RBKS: variants seen among roughly 807,000 people sequenced by gnomAD.
RBKS encodes ribokinase.
RBKS carries 33 observed loss-of-function variants against 33.9 expected under a neutral mutation model. The ratio of observed to expected loss-of-function variants is 0.97; its 90% CI spans 0.74 to 1.30. The LOEUF (loss-of-function observed/expected upper bound fraction) is 1.30. RBKS is among the 50% of genes most tolerant of loss of function. RBKS has a pLI of 0.00. For missense variants in RBKS, 361 were observed against 392.6 expected (o/e 0.92, Z 0.68); for synonymous variants, 125 against 143.0 (o/e 0.87, Z 0.90).
chr2:27,889,130 C>T (rs1462447197), intron 1 of RBKS, among the ~76,000 whole-genome samples: 1 of 152,200 alleles, frequency 6.6e-6, no homozygotes, highest in Non-Finnish European at 1.5e-5. Flanking sequence ...CTCTAACTCC[C>T]ACCTTTCTAA....
chr2:27,860,975 CTT>C (rs386389784), intron 1 of RBKS, among the ~76,000 whole-genome samples: 7 of 149,586 alleles, frequency 4.7e-5, no homozygotes, highest in South Asian at 2.1e-4. Flanking sequence ...CTCTTTCTCT[CTT>C]TTTTTTTTTA....
chr2:27,874,555 C>T (rs1179725259), intron 1 of RBKS, among the ~76,000 whole-genome samples: 1 of 152,192 alleles, frequency 6.6e-6, no homozygotes. Flanking sequence ...ACTGGATAAC[C>T]AGGTATGATG....
chr2:27,886,690 A>ATAGCGAGAGCCC lies in RBKS; in HGVS notation c.89+3555_89+3566dup, dbSNP rs545277392. On this transcript the variant is annotated intron_variant, in intron 1 of 7. Transcript: ENST00000302188. ...GGGGTTCAAGACCAGCCTGGGCAATATAGCGAGAGCCCATCTTTAACAAAA... is the reference window on the plus strand; with the variant it reads ...GGGGTTCAAGACCAGCCTGGGCAATATAGCGAGAGCCCTAGCGAGAGCCCATCTTTAACAAAA... Among the ~76,000 whole-genome samples, 614 of 152,296 alleles carry ATAGCGAGAGCCC rather than the reference A, an allele frequency of 4.0e-3. 3 individuals carry two copies. Among genetic ancestry groups the ATAGCGAGAGCCC allele is most frequent in the Admixed American group, 7.4e-3 (113 of 15,298 alleles).
At chr2:27,847,152 G>T in intron 3 of RBKS, 48 bp from the exon 4 acceptor site, 4 of 1,099,418 alleles carry the variant, frequency 3.6e-6, no homozygotes, top group Non-Finnish European at 5.5e-6. Flanking sequence ...GGCTGGCATG[G>T]ATAATTTATT....
At chr2:27,805,471 A>G (rs541612815) in intron 7 of RBKS, among the ~76,000 whole-genome samples, 87 of 152,358 alleles carry the variant, frequency 5.7e-4, no homozygotes, top group Non-Finnish European at 9.8e-4. Context: ...TAAGAGCTTC[A>G]GTATCCACAC....
intron 1 of RBKS, among the ~76,000 whole-genome samples, chr2:27,863,953 AT>A (rs1325003321): frequency 6.6e-6 from 1 of 152,202 alleles, no homozygotes; most frequent in Non-Finnish European, 1.5e-5. Flanking sequence ...TTGCAGACGT[AT>A]ATGTTATTTA....
intron 7 of RBKS, among the ~76,000 whole-genome samples, chr2:27,790,870 CTAA>C (rs1260878532): frequency 6.6e-6 from 1 of 152,122 alleles, no homozygotes; most frequent in African/African-American, 2.4e-5. Flanking sequence ...TGGCAGTTTC[CTAA>C]TAATGTTAAA....
intron 7 of RBKS, among the ~76,000 whole-genome samples, chr2:27,800,328 G>A (rs1055211955): frequency 1.1e-4 from 17 of 151,928 alleles, no homozygotes; most frequent in Admixed American, 5.2e-4. Flanking sequence ...TTTTCAACTG[G>A]GACAATGCAG....
At chr2:27,832,879 C>T (rs1267086165) in intron 5 of RBKS, 102 bp from the exon 6 acceptor site, 1 of 767,318 alleles carries the variant, frequency 1.3e-6, no homozygotes, top group Non-Finnish European at 2.3e-6. Flanking sequence ...TCGTTTTTGT[C>T]TTCATCTGGT....
chr2:27,824,328 A>G (rs1678273700), intron 7 of RBKS, among the ~76,000 whole-genome samples: 1 of 152,168 alleles, frequency 6.6e-6, no homozygotes. Flanking sequence ...CTAGTTTCAA[A>G]ACATTTCCAT....
chr2:27,801,414 G>A (rs142472385), intron 7 of RBKS, among the ~76,000 whole-genome samples: 3 of 149,586 alleles, frequency 2.0e-5, no homozygotes, highest in African/African-American at 7.4e-5. Flanking sequence ...GTGGCAGTGC[G>A]TGAAAAAAAT....
chr2:27,788,546 A>G lies in RBKS; in HGVS notation c.796-6758T>C, dbSNP rs145918773. 1.1e-4 allele frequency among the ~76,000 whole-genome samples: 16 copies of G among 152,318 alleles called. 1 individual carries two copies. The South Asian group carries it at 2.9e-3, about 28-fold the overall frequency. ...TGGTGAAACCCCGTCTCTACTAAAA[A>G]TACAAGAAAAATTAGCTGGGCATGG... On this transcript the variant is annotated intron_variant, in intron 7 of 7. Coordinates refer to ENST00000302188, the MANE Select transcript of RBKS (RefSeq NM_022128.3).
At chr2:27,801,227 G>A (rs1284616324) in intron 7 of RBKS, among the ~76,000 whole-genome samples, 1 of 152,148 alleles carries the variant, frequency 6.6e-6, no homozygotes, top group Non-Finnish European at 1.5e-5. Flanking sequence ...GGAACCTGAG[G>A]TCAGGGCCTA....
At chr2:27,883,037 G>A (rs754099115) in intron 1 of RBKS, among the ~76,000 whole-genome samples, 6 of 152,056 alleles carry the variant, frequency 3.9e-5, no homozygotes, top group South Asian at 2.1e-4. Flanking sequence ...CAACAAACCC[G>A]TGTGACATGA....
At chr2:27,782,200 T>TACA (rs1391397300) in intron 7 of RBKS, among the ~76,000 whole-genome samples, 1 of 152,090 alleles carries the variant, frequency 6.6e-6, no homozygotes, top group African/African-American at 2.4e-5. Flanking sequence ...CTCGCTCTGT[T>TACA]GCCTGGGCTG....
rs1677653116 is a variant in RBKS at position 27,795,674 on chromosome 2, C to G, written c.796-13886G>C. Among the ~76,000 whole-genome samples the G allele has an allele frequency of 6.6e-6, 1 of 152,170 alleles. No homozygotes were observed. The highest frequency in any genetic ancestry group is 2.4e-5 in the African/African-American group (1 of 41,450). ...GTCACAGAGCTGGTAAATGGCAGAGCTGCACTTTGTACCCAGACCCAGTGA... is the reference window on the plus strand; with the variant it reads ...GTCACAGAGCTGGTAAATGGCAGAGGTGCACTTTGTACCCAGACCCAGTGA... On this transcript the variant is annotated intron_variant, in intron 7 of 7. Transcript: ENST00000302188. This position sits in a 1 kb window ranked among gnomAD's most constrained non-coding sequence, Gnocchi z 4.1.
chr2:27,848,452 G>A (rs1286416867), intron 2 of RBKS, among the ~76,000 whole-genome samples: 1 of 151,952 alleles, frequency 6.6e-6, no homozygotes, highest in Non-Finnish European at 1.5e-5. Flanking sequence ...TGTAAATATG[G>A]GTATCTTTGT....
chr2:27,866,169 C>T (rs1664094655), intron 1 of RBKS, among the ~76,000 whole-genome samples: 1 of 151,988 alleles, frequency 6.6e-6, no homozygotes, highest in Admixed American at 6.6e-5. Context: ...TTATCTTTCC[C>T]CTTTATATTG....
At chr2:27,791,215 G>A (rs1677514838) in intron 7 of RBKS, among the ~76,000 whole-genome samples, 1 of 152,172 alleles carries the variant, frequency 6.6e-6, no homozygotes, top group Admixed American at 6.5e-5. Context: ...TGAATTTTAC[G>A]TGTTAACTTG....
Sources: gnomAD v4.1 joint callset for allele counts (sites outside exome capture counted in the v4.1 genomes callset) on GRCh38, gnomAD v4.1.1 for gene constraint, Gnocchi (gnomAD v3.1) non-coding constraint, MANE v1.5 for transcripts, NCBI Gene and HGNC (gene_info 2026-07-23, HGNC 2026-07-21) for gene names.